USP50: variants seen among roughly 807,000 people sequenced by gnomAD.
USP50 encodes the protein ubiquitin carboxyl-terminal hydrolase 50.
USP50 carries 37 observed loss-of-function variants against 39.2 expected under a neutral mutation model. That is an observed-to-expected ratio of 0.94 (90% CI 0.73 to 1.24). The LOEUF (loss-of-function observed/expected upper bound fraction) is 1.24, where lower values mean the gene tolerates loss of function less well. Ranked by LOEUF, USP50 falls within the 50% of genes most tolerant of loss-of-function variation. USP50 has a pLI of 0.00. For missense variants in USP50, 374 were observed against 398.2 expected (o/e 0.94, Z 0.52); for synonymous variants, 139 against 144.5 (o/e 0.96, Z 0.27).
At chr15:50,529,203 G>A (rs1032538468) in intron 6 of USP50, among the ~76,000 whole-genome samples, 8 of 151,934 alleles carry the variant, frequency 5.3e-5, no homozygotes, top group African/African-American at 2.4e-5. Flanking sequence ...AGTGGTTCAC[G>A]GTTATTCAAC....
chr15:50,538,273 CAAAAA>C, intron 5 of USP50, among the ~76,000 whole-genome samples: 1 of 17,316 alleles, frequency 5.8e-5, no homozygotes, highest in Non-Finnish European at 1.7e-4. Context: ...GAGACTGTCT[CAAAAA>C]AAAAAAAAAA....
intron 5 of USP50, among the ~76,000 whole-genome samples, chr15:50,537,237 G>GA (rs201961647): frequency 0.072 from 10,344 of 143,398 alleles, 549 homozygotes; most frequent in Admixed American, 0.18. Flanking sequence ...ATATCCACGC[G>GA]AAAAAAAAAA....
downstream of USP50, chr15:50,498,775 A>T (rs769548088): frequency 1.3e-6 from 2 of 1,567,172 alleles, no homozygotes; most frequent in Admixed American, 1.9e-5. Flanking sequence ...AAGCAAGTTT[A>T]AAAAAAGTTT....
At chr15:50,517,217 T>C (rs537527303) in intron 6 of USP50, among the ~76,000 whole-genome samples, 2 of 152,294 alleles carry the variant, frequency 1.3e-5, no homozygotes, top group East Asian at 3.9e-4. Flanking sequence ...ATGCCTGTAA[T>C]CCCAGCACTT....
At chr15:50,531,801 T>TA (rs1002772211) in intron 5 of USP50, among the ~76,000 whole-genome samples, 5 of 152,166 alleles carry the variant, frequency 3.3e-5, no homozygotes, top group Non-Finnish European at 7.3e-5. Context: ...GTTCAACACG[T>TA]AAGGAAACTT....
At chr15:50,498,967 G>A (rs766802045), downstream of USP50, 35 of 1,613,706 alleles carry the variant, frequency 2.2e-5, no homozygotes, top group African/African-American at 8.0e-5. Context: ...GCAAGACAAC[G>A]GTGGTTTAAG....
At chr15:50,522,250 C>G (rs1349076646) in intron 6 of USP50, among the ~76,000 whole-genome samples, 1 of 151,722 alleles carries the variant, frequency 6.6e-6, no homozygotes, top group African/African-American at 2.4e-5. Flanking sequence ...TATAGTGAGA[C>G]CCCATCTCTA....
At chr15:50,497,198 A>G (rs1415436065), downstream of USP50, 2 of 1,611,246 alleles carry the variant, frequency 1.2e-6, no homozygotes, top group Admixed American at 3.4e-5. Flanking sequence ...GAAATCTGGA[A>G]GTTACCACCT....
At chr15:50,494,324 TGCTCAG>T in intron 1 of USP50, 1 of 1,523,888 alleles carries the variant, frequency 6.6e-7, no homozygotes, top group Non-Finnish European at 8.8e-7. Context: ...TCTTTAGGGT[TGCTCAG>T]TAGCACTGTA....
chr15:50,509,423 G>A (rs772090859), intron 6 of USP50: 2 of 152,076 alleles, frequency 1.3e-5, no homozygotes, highest in African/African-American at 2.4e-5. Flanking sequence ...TGAGGCAGGC[G>A]GATCACCAGG....
chr15:50,536,439 AAGACC>A (rs2052980878), intron 5 of USP50, among the ~76,000 whole-genome samples: 1 of 152,090 alleles, frequency 6.6e-6, no homozygotes, highest in South Asian at 2.1e-4. Context: ...TCAGGAGTTC[AAGACC>A]AGCCTGGCCA....
At chr15:50,524,102 A>G (rs761500803) in intron 6 of USP50, among the ~76,000 whole-genome samples, 15 of 152,238 alleles carry the variant, frequency 9.9e-5, no homozygotes, top group Non-Finnish European at 1.5e-4. Flanking sequence ...GTGGATCCTT[A>G]TATCATAAAC....
chr15:50,495,357 TATAGAGAG>T (rs1441276552), intron 1 of USP50, among the ~76,000 whole-genome samples: 1 of 102,314 alleles, frequency 9.8e-6, no homozygotes, highest in Non-Finnish European at 2.1e-5. Flanking sequence ...TATATACATA[TATAGAGAG>T]AGAGAGGCTA....
chr15:50,516,397 G>A (rs1187644566), intron 6 of USP50, among the ~76,000 whole-genome samples: 2 of 152,048 alleles, frequency 1.3e-5, no homozygotes, highest in Admixed American at 6.6e-5. Flanking sequence ...TCAGGAGTTC[G>A]AGACCAGACT....
chr15:50,500,258 T>C (rs1478321648), downstream of USP50: 2 of 152,642 alleles, frequency 1.3e-5, no homozygotes, highest in East Asian at 3.8e-4. Context: ...TATATTCAAA[T>C]CATATTCTTA....
intron 6 of USP50, chr15:50,512,639 T>A (rs1440967974): frequency 1.3e-5 from 2 of 151,734 alleles, no homozygotes; most frequent in African/African-American, 4.8e-5. Flanking sequence ...AAAATATTTT[T>A]AAAAATTAGC....
At chr15:50,520,243 C>T (rs2052837850) in intron 6 of USP50, among the ~76,000 whole-genome samples, 1 of 151,094 alleles carries the variant, frequency 6.6e-6, no homozygotes, top group Non-Finnish European at 1.5e-5. Context: ...CAGGAATTTG[C>T]GGTTGTAATG....
chr15:50,506,911 T>A (rs1446697408), intron 6 of USP50: 3 of 124,894 alleles, frequency 2.4e-5, no homozygotes, highest in African/African-American at 9.5e-5. Context: ...TGAGCCGAGA[T>A]CGTGCCACTG....
At chr15:50,493,876 A>C, downstream of USP50, 1 of 759,354 alleles carries the variant, frequency 1.3e-6, no homozygotes, top group African/African-American at 1.7e-5. Flanking sequence ...CTTGCAGCCA[A>C]AAGAAGGAAG....
Sources: gnomAD v4.1 joint callset for allele counts (sites outside exome capture counted in the v4.1 genomes callset) on GRCh38, gnomAD v4.1.1 for gene constraint, MANE v1.5 for transcripts, NCBI Gene and HGNC (gene_info 2026-07-23, HGNC 2026-07-21) for gene names.